Variants in SYNPO2 observed in about 807,000 individuals in gnomAD.
SYNPO2 encodes the protein synaptopodin 2, also known as synaptopodin-2.
Under a neutral mutation model 85.0 loss-of-function variants are expected in SYNPO2, and 56 were observed. The ratio of observed to expected loss-of-function variants is 0.66; its 90% CI spans 0.53 to 0.82. The LOEUF is 0.82. Ranked by LOEUF, SYNPO2 falls within the 40% of genes least tolerant of loss-of-function variation. The pLI is 0.00. For missense variants in SYNPO2, 1,575 were observed against 1,534.2 expected (o/e 1.03, Z -0.44); for synonymous variants, 602 against 591.1 (o/e 1.02, Z -0.27).
rs764976979 is a variant in SYNPO2, at chr4:119,030,770, G to T, written c.1995G>T (p.Glu665Asp). ...AGCCAGCCTTTTACGATTCGTCTGA[G>T]CGAATAGCTTCCCGAGATGAGAGGA... Reference protein sequence around the residue: ...WSQPAFYDSSERIASRDERIS... With the variant: ...WSQPAFYDSSDRIASRDERIS... Residue 665 changes from glutamate (E) to aspartate (D), a missense_variant, in exon 4 of 5, where the codon GAG becomes GAT. Physicochemically the swap from Glu to Asp is conservative, Grantham distance 45. Around this residue, in one of 3 missense-constraint regions of SYNPO2, gnomAD observed 1,508 missense variants for 1,446.8 expected, o/e 1.04. Transcript: ENST00000307142. The T allele has an allele frequency of 1.2e-5, 20 of 1,614,148 alleles. No homozygotes were observed. The South Asian group carries it at 2.0e-4, about 16-fold the overall frequency.
At chr4:118,886,757 G>A (rs1732205710), upstream of SYNPO2, among the ~76,000 whole-genome samples, 1 of 152,164 alleles carries the variant, frequency 6.6e-6, no homozygotes, top group Non-Finnish European at 1.5e-5. Flanking sequence ...GAAAGACTGG[G>A]AAAGTCAATT....
chr4:118,878,843 A>C (rs971774856), intron 1 of SYNPO2, among the ~76,000 whole-genome samples: 2 of 152,368 alleles, frequency 1.3e-5, no homozygotes, highest in East Asian at 3.9e-4. Context: ...TGGCCACCCC[A>C]GCCAGCAGAG....
At chr4:118,973,130 C>T (rs957178977) in intron 1 of SYNPO2, among the ~76,000 whole-genome samples, 1 of 151,860 alleles carries the variant, frequency 6.6e-6, no homozygotes, top group African/African-American at 2.4e-5. Context: ...GAGTGAAAAA[C>T]GTTTGAATTT....
intron 4 of SYNPO2, among the ~76,000 whole-genome samples, chr4:119,054,452 G>T (rs1159496894): frequency 6.6e-6 from 1 of 152,192 alleles, no homozygotes; most frequent in Non-Finnish European, 1.5e-5. Flanking sequence ...GAAGGGCAGA[G>T]AATTTTACTA....
At chr4:118,914,180 C>T (rs760084418) in intron 1 of SYNPO2, among the ~76,000 whole-genome samples, 17 of 151,722 alleles carry the variant, frequency 1.1e-4, no homozygotes, top group Admixed American at 3.3e-4. Flanking sequence ...TATTAGAGGA[C>T]GATGAGCAAT....
At chr4:118,941,247 C>T (rs1339207325) in intron 1 of SYNPO2, among the ~76,000 whole-genome samples, 2 of 152,188 alleles carry the variant, frequency 1.3e-5, no homozygotes, top group Non-Finnish European at 2.9e-5. Context: ...TTCAATTCAT[C>T]AGCTCTACTT....
chr4:119,037,333 C>A, intron 4 of SYNPO2: 1 of 1,254,142 alleles, frequency 8.0e-7, no homozygotes, highest in Non-Finnish European at 1.0e-6. Context: ...GTACTTGGCC[C>A]TGAGTTGAAA....
At chr4:119,038,159 C>A in intron 4 of SYNPO2, 4 of 985,286 alleles carry the variant, frequency 4.1e-6, no homozygotes, top group Non-Finnish European at 4.8e-6. Flanking sequence ...CTCATCAGAC[C>A]CCGGAATTTC....
At position 119,059,451 on chromosome 4, in the gene SYNPO2, T is replaced by C. The variant is rs1470555826; in HGVS notation, c.*1517T>C. 6.6e-6 allele frequency: 1 copy of C among 152,094 alleles called. No individual in the cohort carries two copies. Among genetic ancestry groups the C allele is most frequent in the Non-Finnish European group, 1.5e-5 (1 of 68,006 alleles). 9.4% of individuals were successfully genotyped at this position (152,094 alleles called of 1,614,324 possible). A position where few individuals can be genotyped will look rare whatever the true frequency, so the allele number is the denominator to read the frequency against. ...GACACATGCCTTGTTAGCATGCCCA[T>C]CAAATAATCAGATCAAACACCTGCT... On this transcript the variant is annotated 3_prime_UTR_variant, in exon 5 of 5. Coordinates refer to ENST00000307142, the MANE Select transcript of SYNPO2 (RefSeq NM_133477.3).
chr4:118,953,255 C>CTAATTTGATTCT, intron 1 of SYNPO2, among the ~76,000 whole-genome samples: 1 of 152,278 alleles, frequency 6.6e-6, no homozygotes, highest in Admixed American at 6.5e-5. Context: ...AGTTTTCCTG[C>CTAATTTGATTCT]ATTGATTCTA....
intron 1 of SYNPO2, among the ~76,000 whole-genome samples, chr4:119,020,330 T>A (rs1737672575): frequency 2.0e-5 from 3 of 152,200 alleles, no homozygotes; most frequent in African/African-American, 4.8e-5. Flanking sequence ...GAATGTATTC[T>A]CTGAAGGAAT....
At chr4:118,917,806 C>T (rs1193914172) in intron 1 of SYNPO2, among the ~76,000 whole-genome samples, 1 of 152,140 alleles carries the variant, frequency 6.6e-6, no homozygotes, top group East Asian at 1.9e-4. Context: ...TGAGTCATTT[C>T]TCTAGTCCAT....
chr4:118,879,711 C>T (rs1732037938), intron 1 of SYNPO2, among the ~76,000 whole-genome samples: 1 of 152,164 alleles, frequency 6.6e-6, no homozygotes, highest in South Asian at 2.1e-4. Flanking sequence ...TCTTGGGGTT[C>T]AACAGAGCAG....
chr4:118,991,295 G>A (rs956601517), intron 1 of SYNPO2, among the ~76,000 whole-genome samples: 1 of 151,980 alleles, frequency 6.6e-6, no homozygotes, highest in Admixed American at 6.6e-5. Flanking sequence ...TTACAGGCAC[G>A]CACCACCGCA....
At chr4:118,993,652 TC>T (rs1736486504) in intron 1 of SYNPO2, among the ~76,000 whole-genome samples, 1 of 152,210 alleles carries the variant, frequency 6.6e-6, no homozygotes. Context: ...ATGGAGGTTT[TC>T]CCCCTATATG....
chr4:119,004,289 A>G (rs1440055947), intron 1 of SYNPO2, among the ~76,000 whole-genome samples: 1 of 152,016 alleles, frequency 6.6e-6, no homozygotes, highest in African/African-American at 2.4e-5. Flanking sequence ...GGTTTGTTAC[A>G]TATGTATACA....
chr4:118,888,769 C>A (rs1284267773), upstream of SYNPO2: 6 of 477,018 alleles, frequency 1.3e-5, no homozygotes, highest in African/African-American at 9.9e-5. Flanking sequence ...CGAAGGTGGG[C>A]CGAGCAAAGG....
chr4:119,024,666 A>G (rs930960281), intron 2 of SYNPO2, among the ~76,000 whole-genome samples: 5 of 143,222 alleles, frequency 3.5e-5, no homozygotes, highest in African/African-American at 1.3e-4. Flanking sequence ...ATTTACTAAT[A>G]CATAATTAAA....
rs566026363 is a variant in SYNPO2 at position 118,976,125 on chromosome 4, G to A, written c.106-47305G>A. On this transcript the variant is annotated intron_variant, in intron 1 of 4. Transcript: ENST00000307142. ...TCTCACTGACTTCAAGAATGAAGCC[G>A]CGGACTCTCGCGGTGAGTGTTACAG... 5.7e-3 allele frequency among the ~76,000 whole-genome samples: 866 copies of A among 152,262 alleles called. 11 individuals carry two copies. Among genetic ancestry groups the A allele is most frequent in the Non-Finnish European group, 8.0e-3 (547 of 68,018 alleles).
Sources: gnomAD v4.1 joint callset for allele counts (sites outside exome capture counted in the v4.1 genomes callset) on GRCh38, gnomAD v4.1.1 for gene constraint, gnomAD v4.1.1 regional missense constraint, MANE v1.5 for transcripts, NCBI Gene and HGNC (gene_info 2026-07-23, HGNC 2026-07-21) for gene names.